GAB1: variants seen among roughly 807,000 people sequenced by gnomAD.
GAB1 encodes the protein GRB2 associated binding protein 1.
GAB1 carries 19 observed loss-of-function variants against 66.5 expected under a neutral mutation model. The observed-to-expected ratio is 0.29, with a 90% CI of 0.20 to 0.42. GAB1 has a LOEUF of 0.42. Ranked by LOEUF, GAB1 falls within the 10% of genes least tolerant of loss-of-function variation. The probability of loss-of-function intolerance (pLI) is 1.00; values close to 1 mark genes in which losing one functional copy is unlikely to be tolerated. For synonymous variants in GAB1, 294 were observed against 301.4 expected (o/e 0.98, Z 0.25); for missense variants, 732 against 858.5 (o/e 0.85, Z 1.84).
chr4:143,375,158 A>G (rs1730359522), intron 1 of GAB1, among the ~76,000 whole-genome samples: 1 of 152,160 alleles, frequency 6.6e-6, no homozygotes, highest in African/African-American at 2.4e-5. Flanking sequence ...ATGTTGCCCA[A>G]GGTGGTCTTG....
At chr4:143,411,421 T>C (rs1193565935) in intron 1 of GAB1, among the ~76,000 whole-genome samples, 1 of 152,244 alleles carries the variant, frequency 6.6e-6, no homozygotes, top group Admixed American at 6.5e-5. Context: ...AAATTTCAGC[T>C]TCTTCATTAC....
At position 143,337,146 on chromosome 4, in the gene GAB1, C is replaced by T. The variant is rs1462297229; in HGVS notation, c.-43C>T. The stretch of plus-strand genomic sequence containing the variant: ...GTCGGCTGTGTCGGGAGCGCGCCCG[C>T]CGCCCCTCAGCTGCCCGGCCCGGAG... On this transcript the variant is annotated 5_prime_UTR_variant, in exon 1 of 10. Transcript: ENST00000262994. 6.5e-7 allele frequency: 1 copy of T among 1,536,356 alleles called. No homozygotes were observed. Among genetic ancestry groups the T allele is most frequent in the Non-Finnish European group, 8.8e-7 (1 of 1,135,036 alleles).
At chr4:143,378,527 G>T (rs1035427437) in intron 1 of GAB1, among the ~76,000 whole-genome samples, 1 of 151,814 alleles carries the variant, frequency 6.6e-6, no homozygotes, top group Admixed American at 6.6e-5. Context: ...AATTAGTAAG[G>T]TCCTATTTCG....
In GAB1 at chr4:143,421,885, A is replaced by G. The variant is rs1733049570; in HGVS notation, c.367+6114A>G. Among the ~76,000 whole-genome samples, 4 of 152,122 alleles carry G rather than the reference A, an allele frequency of 2.6e-5. No individual in the cohort carries two copies. In the South Asian group the frequency reaches 8.3e-4, roughly 32 times the overall value. On this transcript the variant is annotated intron_variant, in intron 2 of 9. Transcript: ENST00000262994. ...CCTAAAGGTTTAATTTAAAGTCTCC[A>G]AGAATATTTCACAATCTACTAAAGA...
rs534153203 is a variant in GAB1, at chr4:143,417,177, G to A, written c.367+1406G>A. On this transcript the variant is annotated intron_variant, in intron 2 of 9. Transcript: ENST00000262994. Reference sequence around the variant, plus strand: ...TTTCTGTGTAAATGAAAGGAGGGACGCAGAACCCTCCAGGCTTAGGGACTT... The same window carrying A: ...TTTCTGTGTAAATGAAAGGAGGGACACAGAACCCTCCAGGCTTAGGGACTT... Among the ~76,000 whole-genome samples the A allele has an allele frequency of 1.9e-3, 290 of 152,228 alleles. 2 individuals are homozygous for A. The highest frequency in any genetic ancestry group is 6.7e-3 in the African/African-American group (278 of 41,536).
Position 143,349,598 on chromosome 4 carries a change from G to C in GAB1, c.72+12338G>C. ...AGGTGCACCAGCACAGAGCCGCAGC[G>C]GCCTGTCACCTTGCAAGGGACGGTG... On this transcript the variant is annotated intron_variant, in intron 1 of 9. Transcript: ENST00000262994. 2.0e-6 allele frequency: 3 copies of C among 1,488,190 alleles called. No individual in the cohort carries two copies. In the South Asian group the frequency reaches 3.5e-5, roughly 18 times the overall value. The allele number at this position is 1,488,190 out of a possible 1,614,324, so 92.2% of individuals were successfully genotyped here. A position where few individuals can be genotyped will look rare whatever the true frequency, so the allele number is the denominator to read the frequency against.
chr4:143,413,649 C>T (rs980993192), intron 1 of GAB1, among the ~76,000 whole-genome samples: 5 of 152,016 alleles, frequency 3.3e-5, no homozygotes. Context: ...GCTGTAGTCT[C>T]AAGTATTTTC....
rs116282245 is a variant in GAB1, at chr4:143,407,360, T to G, written c.73-8117T>G. On this transcript the variant is annotated intron_variant, in intron 1 of 9. Transcript: ENST00000262994. The stretch of plus-strand genomic sequence containing the variant: ...CAGTAATTTCAACAAGTAAATTATA[T>G]GCACTATTACTGAGAATTCAAAATT... 5.3e-3 allele frequency among the ~76,000 whole-genome samples: 807 copies of G among 152,122 alleles called. 10 individuals carry two copies. Among genetic ancestry groups the G allele is most frequent in the African/African-American group, 0.018 (766 of 41,510 alleles).
chr4:143,454,151 A>G (rs1465423825), intron 6 of GAB1, among the ~76,000 whole-genome samples: 1 of 152,250 alleles, frequency 6.6e-6, no homozygotes, highest in Non-Finnish European at 1.5e-5. Flanking sequence ...GCACAATTCA[A>G]GAGAAGAATG....
At chr4:143,468,033 C>G (rs1356771138) in intron 9 of GAB1, among the ~76,000 whole-genome samples, 1 of 151,962 alleles carries the variant, frequency 6.6e-6, no homozygotes, top group Non-Finnish European at 1.5e-5. Context: ...ATAACTTTTC[C>G]AAAAACATTT....
chr4:143,400,706 G>A (rs1325436866), intron 1 of GAB1, among the ~76,000 whole-genome samples: 3 of 152,120 alleles, frequency 2.0e-5, no homozygotes, highest in Non-Finnish European at 2.9e-5. Context: ...GATGGCTCAC[G>A]TCTGTAATCC....
At chr4:143,457,551 T>C (rs1490696238) in intron 6 of GAB1, 3 of 509,288 alleles carry the variant, frequency 5.9e-6, no homozygotes, top group Non-Finnish European at 1.0e-5. Context: ...AACAAACTTT[T>C]GTTCATGCTT....
At chr4:143,351,120 TG>T (rs1025960580) in intron 1 of GAB1, among the ~76,000 whole-genome samples, 1 of 152,222 alleles carries the variant, frequency 6.6e-6, no homozygotes, top group Non-Finnish European at 1.5e-5. Flanking sequence ...TCTTTTAGTT[TG>T]CCGTCTATAG....
At chr4:143,454,802 C>T (rs989279802) in intron 6 of GAB1, among the ~76,000 whole-genome samples, 1 of 152,114 alleles carries the variant, frequency 6.6e-6, no homozygotes, top group African/African-American at 2.4e-5. Context: ...ACATAATGGG[C>T]CTTTAATGGC....
At chr4:143,401,308 A>G (rs1340555612) in intron 1 of GAB1, among the ~76,000 whole-genome samples, 1 of 152,230 alleles carries the variant, frequency 6.6e-6, no homozygotes, top group Non-Finnish European at 1.5e-5. Flanking sequence ...GATCTAATAA[A>G]TCATTCTGCA....
chr4:143,404,270 G>T (rs556375644), intron 1 of GAB1, among the ~76,000 whole-genome samples: 1 of 152,130 alleles, frequency 6.6e-6, no homozygotes, highest in African/African-American at 2.4e-5. Context: ...TGTCATTGGC[G>T]TATTTTATTA....
intron 1 of GAB1, among the ~76,000 whole-genome samples, chr4:143,356,396 T>C (rs1337626773): frequency 6.6e-6 from 1 of 152,216 alleles, no homozygotes; most frequent in Non-Finnish European, 1.5e-5. Context: ...AAAAAAGTAC[T>C]TGTAAAGTAC....
At chr4:143,451,956 C>T (rs72721099) in intron 6 of GAB1, among the ~76,000 whole-genome samples, 1,608 of 152,020 alleles carry the variant, frequency 0.011, 19 homozygotes, top group Non-Finnish European at 0.016. Flanking sequence ...GTCTGAAGCA[C>T]GTCAGGGCCT....
intron 2 of GAB1, among the ~76,000 whole-genome samples, chr4:143,428,577 A>G (rs1733485771): frequency 6.6e-6 from 1 of 152,168 alleles, no homozygotes; most frequent in Non-Finnish European, 1.5e-5. Flanking sequence ...ATATTGATCC[A>G]GATTTATCCA....
Sources: gnomAD v4.1 joint callset for allele counts (sites outside exome capture counted in the v4.1 genomes callset) on GRCh38, gnomAD v4.1.1 for gene constraint, MANE v1.5 for transcripts, NCBI Gene and HGNC (gene_info 2026-07-23, HGNC 2026-07-21) for gene names.